Variants in ATOSA observed in about 807,000 individuals in gnomAD.
ATOSA encodes atos homolog protein A.
the ATOSA span, among the ~76,000 whole-genome samples, chr15:52,690,146 C>A: frequency 6.6e-6 from 1 of 152,192 alleles, no homozygotes; most frequent in Non-Finnish European, 1.5e-5. Flanking sequence ...ACTTTCAAAT[C>A]ATGAGTGAAG....
the ATOSA span, among the ~76,000 whole-genome samples, chr15:52,709,514 C>A: frequency 3.5e-3 from 535 of 152,238 alleles, 6 homozygotes; most frequent in African/African-American, 0.013. Context: ...GACCTTTTAA[C>A]GTAAAATGCA....
the ATOSA span, chr15:52,611,380 C>A: frequency 1.5e-6 from 2 of 1,294,664 alleles, no homozygotes; most frequent in Non-Finnish European, 2.1e-6. Context: ...CATAGGAATA[C>A]ACTTACGATG....
At chr15:52,602,799 C>G in the ATOSA span, among the ~76,000 whole-genome samples, 120 of 152,158 alleles carry the variant, frequency 7.9e-4, no homozygotes, top group Non-Finnish European at 2.5e-4. Context: ...AGAATCTGGT[C>G]TCAGATAAGA....
At chr15:52,630,469 T>C in the ATOSA span, among the ~76,000 whole-genome samples, 5 of 152,192 alleles carry the variant, frequency 3.3e-5, no homozygotes, top group African/African-American at 9.6e-5. Flanking sequence ...TCCTTAATCA[T>C]TGCAAAATAC....
the ATOSA span, among the ~76,000 whole-genome samples, chr15:52,630,444 T>C: frequency 1.3e-5 from 2 of 152,122 alleles, no homozygotes; most frequent in Admixed American, 1.3e-4. Context: ...GGTTAATGAA[T>C]ATAAGATGTA....
the ATOSA span, among the ~76,000 whole-genome samples, chr15:52,624,221 T>G: frequency 7.9e-5 from 12 of 152,214 alleles, no homozygotes; most frequent in Admixed American, 7.9e-4. Flanking sequence ...CCTCTTGAGC[T>G]TAAACGTTTT....
chr15:52,596,779 G>GT, the ATOSA span, among the ~76,000 whole-genome samples: 1 of 152,128 alleles, frequency 6.6e-6, no homozygotes, highest in Non-Finnish European at 1.5e-5. Flanking sequence ...GCTAGGCAAT[G>GT]TTTTTTTAGA....
chr15:52,588,504 T>TCTTG, the ATOSA span, among the ~76,000 whole-genome samples: 1 of 152,154 alleles, frequency 6.6e-6, no homozygotes, highest in Non-Finnish European at 1.5e-5. Context: ...AGTGGCACAA[T>TCTTG]CTTGGCTCAC....
At chr15:52,640,797 T>C in the ATOSA span, among the ~76,000 whole-genome samples, 1 of 152,080 alleles carries the variant, frequency 6.6e-6, no homozygotes, top group African/African-American at 2.4e-5. Context: ...GACATAATTA[T>C]ACATACTTAT....
chr15:52,703,805 ACGTTGTGTAC>A, the ATOSA span, among the ~76,000 whole-genome samples: 1 of 152,104 alleles, frequency 6.6e-6, no homozygotes, highest in Non-Finnish European at 1.5e-5. Context: ...ACAAACCTTC[ACGTTGTGTAC>A]ATGTACCCTA....
chr15:52,585,100 G>T, the ATOSA span: 1 of 545,102 alleles, frequency 1.8e-6, no homozygotes, highest in Non-Finnish European at 3.0e-6. Context: ...AATTTCAAAA[G>T]TTTAAGAAAT....
the ATOSA span, chr15:52,648,893 G>A: frequency 6.6e-6 from 1 of 152,058 alleles, no homozygotes; most frequent in Admixed American, 6.6e-5. Flanking sequence ...ATGATGTCCA[G>A]AAGTCTTTCA....
chr15:52,583,186 GTTTC>G, the ATOSA span, among the ~76,000 whole-genome samples: 1 of 152,148 alleles, frequency 6.6e-6, no homozygotes, highest in African/African-American at 2.4e-5. Context: ...CCCCAAAAAG[GTTTC>G]TTTAAAGTAT....
At chr15:52,608,719 T>C in the ATOSA span, 3 of 1,612,576 alleles carry the variant, frequency 1.9e-6, no homozygotes, top group Non-Finnish European at 2.5e-6. Flanking sequence ...TTTGAAACCT[T>C]CATTATCTTT....
chr15:52,598,490 T>C, the ATOSA span: 1 of 152,184 alleles, frequency 6.6e-6, no homozygotes, highest in African/African-American at 2.4e-5. Flanking sequence ...ATTAAACAAG[T>C]CTAATGTGTC....
the ATOSA span, chr15:52,609,950 C>G: frequency 1.9e-6 from 3 of 1,612,348 alleles, no homozygotes; most frequent in Non-Finnish European, 2.5e-6. Context: ...TCACCTATAC[C>G]ACTAAAGCCT....
the ATOSA span, among the ~76,000 whole-genome samples, chr15:52,700,675 C>T: frequency 6.6e-6 from 1 of 152,162 alleles, no homozygotes; most frequent in Non-Finnish European, 1.5e-5. Context: ...AATTCCTCAG[C>T]ACAATTAAAG....
chr15:52,603,955 G>T, the ATOSA span, among the ~76,000 whole-genome samples: 1 of 152,116 alleles, frequency 6.6e-6, no homozygotes, highest in Admixed American at 6.5e-5. Context: ...ATAATTTATC[G>T]TATATTTAAA....
the ATOSA span, among the ~76,000 whole-genome samples, chr15:52,697,767 G>A: frequency 6.6e-6 from 1 of 151,278 alleles, no homozygotes; most frequent in Non-Finnish European, 1.5e-5. Context: ...TAAAAAATTG[G>A]GCAAAGACTT....
Sources: gnomAD v4.1 joint callset for allele counts (sites outside exome capture counted in the v4.1 genomes callset) on GRCh38, gnomAD v4.1.1 for gene constraint, MANE v1.5 for transcripts, NCBI Gene and HGNC (gene_info 2026-07-23, HGNC 2026-07-21) for gene names.